Variants in ATP10A observed in about 807,000 individuals in gnomAD.
The protein encoded by ATP10A is ATPase phospholipid transporting 10A (putative).
A neutral mutation model predicts 147.8 loss-of-function variants in ATP10A; 111 were observed. The observed-to-expected ratio is 0.75, with a 90% CI of 0.64 to 0.88. The LOEUF (loss-of-function observed/expected upper bound fraction) is 0.88. Ranked by LOEUF, ATP10A falls within the 40% of genes least tolerant of loss-of-function variation. The probability of loss-of-function intolerance (pLI) is 0.00; values close to 1 mark genes in which losing one functional copy is unlikely to be tolerated. For missense variants in ATP10A, 1,927 were observed against 1,959.0 expected (o/e 0.98, Z 0.31); for synonymous variants, 875 against 841.6 (o/e 1.04, Z -0.69).
At chr15:25,839,269 A>G (rs1036684777) in intron 1 of ATP10A, among the ~76,000 whole-genome samples, 4 of 152,306 alleles carry the variant, frequency 2.6e-5, no homozygotes, top group East Asian at 3.9e-4. Flanking sequence ...GCTCATAACT[A>G]CAAGAACAAG....
At chr15:25,702,753 ATT>A (rs760038774) in intron 12 of ATP10A, among the ~76,000 whole-genome samples, 11 of 141,348 alleles carry the variant, frequency 7.8e-5, no homozygotes, top group Non-Finnish European at 3.1e-5. Flanking sequence ...CCTGCCTCAG[ATT>A]TTTTTTTTTT....
intron 1 of ATP10A, among the ~76,000 whole-genome samples, chr15:25,785,175 C>T (rs1326719750): frequency 6.6e-6 from 1 of 152,142 alleles, no homozygotes; most frequent in Non-Finnish European, 1.5e-5. Context: ...ATTTCCCTAA[C>T]AGCCTTTCCT....
downstream of ATP10A, among the ~76,000 whole-genome samples, chr15:25,672,748 G>A (rs1899067174): frequency 6.6e-6 from 1 of 152,174 alleles, no homozygotes; most frequent in Admixed American, 6.5e-5. Flanking sequence ...GTGATGTTGA[G>A]TATGCCTTGA....
chr15:25,770,934 C>T (rs1816490150), intron 2 of ATP10A, among the ~76,000 whole-genome samples: 2 of 152,146 alleles, frequency 1.3e-5, no homozygotes, highest in Admixed American at 6.5e-5. Flanking sequence ...CTGTGGAACT[C>T]GGGTCGCACA....
At chr15:25,772,306 A>G (rs1340175940) in intron 2 of ATP10A, among the ~76,000 whole-genome samples, 2 of 151,980 alleles carry the variant, frequency 1.3e-5, no homozygotes. Context: ...CCCACCCACC[A>G]GGCCCTGACG....
Position 25,683,357 on chromosome 15 carries a change from G to A in ATP10A, c.3421C>T (p.Leu1141=). Residue 1141 remains leucine (L), a synonymous_variant, in exon 17 of 21, where the codon CTG becomes TTG. Transcript: ENST00000555815. ...SSLPPLVTGV[L]DRDVPANVLL... ...ACATTGGCTGGCACATCCCTGTCCA[G>A]CACCCCAGTCACGAGCGGGGGAAGT... 1.2e-6 allele frequency: 2 copies of A among 1,614,170 alleles called. No homozygotes were observed. The highest frequency in any genetic ancestry group is 1.7e-6 in the Non-Finnish European group (2 of 1,180,044).
intron 13 of ATP10A, among the ~76,000 whole-genome samples, chr15:25,697,096 G>A (rs1239071613): frequency 6.6e-6 from 1 of 152,206 alleles, no homozygotes; most frequent in Non-Finnish European, 1.5e-5. Context: ...ATTGTAAAGA[G>A]AAGCTTGGCT....
At chr15:25,702,551 T>A (rs570886382) in intron 12 of ATP10A, among the ~76,000 whole-genome samples, 1 of 152,308 alleles carries the variant, frequency 6.6e-6, no homozygotes, top group Non-Finnish European at 1.5e-5. Context: ...ATTCAGAATG[T>A]CCAGTCTCAA....
intron 2 of ATP10A, among the ~76,000 whole-genome samples, chr15:25,761,125 A>G (rs1489137485): frequency 6.6e-6 from 1 of 152,226 alleles, no homozygotes; most frequent in Non-Finnish European, 1.5e-5. Flanking sequence ...GAATACCTAC[A>G]ACTTGGATAA....
At chr15:25,862,464 C>T in intron 1 of ATP10A, 184 bp downstream of exon 1, 1 of 746,416 alleles carries the variant, frequency 1.3e-6, no homozygotes, top group Non-Finnish European at 2.2e-6. Flanking sequence ...GGCGGAGGCA[C>T]AGAGAGGCCT....
Position 25,679,789 on chromosome 15 carries a change from G to C in ATP10A, c.4052C>G (p.Ser1351Cys), listed in dbSNP as rs777686800. The C allele has an allele frequency of 1.2e-6, 2 of 1,612,786 alleles. No individual in the cohort carries two copies. The highest frequency in any genetic ancestry group is 1.7e-6 in the Non-Finnish European group (2 of 1,179,788). The change falls in exon 21 of 21, where the codon TCC (serine) becomes TGC (cysteine). Residue 1351 changes from serine (S) to cysteine (C), a missense_variant. Ser to Cys is a moderately radical substitution (Grantham distance 112). Transcript: ENST00000555815. ...GRTVKTSVPL[S>C]QPSWHTQQPV... ...CTGCTGTGTGTGCCAAGAAGGCTGGGACAGGGGCACAGAGGTCTTGACTGT... is the reference window on the plus strand; with the variant it reads ...CTGCTGTGTGTGCCAAGAAGGCTGGCACAGGGGCACAGAGGTCTTGACTGT...
intron 15 of ATP10A, among the ~76,000 whole-genome samples, chr15:25,690,934 C>T (rs1396407217): frequency 7.9e-5 from 12 of 152,116 alleles, no homozygotes; most frequent in Non-Finnish European, 1.8e-4. Flanking sequence ...AGCTTGGGAC[C>T]CTCCATCTGA....
downstream of ATP10A, among the ~76,000 whole-genome samples, chr15:25,673,469 C>A (rs1899080856): frequency 1.3e-5 from 2 of 152,248 alleles, no homozygotes; most frequent in South Asian, 4.1e-4. Flanking sequence ...TTGCTCTCTT[C>A]AGTTTCAAAC....
At chr15:25,730,209 G>A (rs1428977272) in intron 3 of ATP10A, among the ~76,000 whole-genome samples, 3 of 151,704 alleles carry the variant, frequency 2.0e-5, no homozygotes, top group Admixed American at 2.0e-4. Context: ...GGCTGAGGCA[G>A]GAGAATCACT....
chr15:25,701,621 C>T (rs963845624), intron 13 of ATP10A, among the ~76,000 whole-genome samples: 4 of 152,336 alleles, frequency 2.6e-5, no homozygotes, highest in African/African-American at 9.6e-5. Context: ...CCTGGCTCCA[C>T]TGTGGAAGCA....
intron 1 of ATP10A, among the ~76,000 whole-genome samples, chr15:25,851,127 C>T (rs571494183): frequency 2.5e-4 from 38 of 152,106 alleles, no homozygotes; most frequent in African/African-American, 8.7e-4. Flanking sequence ...CGTTCGCACC[C>T]CAGGACCTTT....
chr15:25,699,351 G>A (rs1900534720), intron 13 of ATP10A, among the ~76,000 whole-genome samples: 2 of 152,312 alleles, frequency 1.3e-5, no homozygotes, highest in South Asian at 4.1e-4. Flanking sequence ...ACCAAAAGAA[G>A]ACGCTTTCAA....
intron 2 of ATP10A, among the ~76,000 whole-genome samples, chr15:25,771,909 C>T (rs141831653): frequency 0.014 from 2,131 of 152,092 alleles, 21 homozygotes; most frequent in Middle Eastern, 0.034. Flanking sequence ...CCCACCACCA[C>T]GCCTGGATAA....
intron 1 of ATP10A, among the ~76,000 whole-genome samples, chr15:25,857,544 G>A (rs1254883565): frequency 6.6e-6 from 1 of 152,144 alleles, no homozygotes; most frequent in Non-Finnish European, 1.5e-5. Flanking sequence ...CACATTTACA[G>A]GTGAAACGTC....
Sources: allele counts gnomAD v4.1 joint callset (sites outside exome capture counted in the v4.1 genomes callset), GRCh38; gene constraint gnomAD v4.1.1; transcripts MANE v1.5; gene names NCBI Gene and HGNC (gene_info 2026-07-23, HGNC 2026-07-21).